MINDY4: variants seen among roughly 807,000 people sequenced by gnomAD.
MINDY4 encodes the protein probable ubiquitin carboxyl-terminal hydrolase MINDY-4.
Under a neutral mutation model 87.0 loss-of-function variants are expected in MINDY4, and 68 were observed. The observed-to-expected ratio is 0.78, with a 90% CI of 0.64 to 0.96. The LOEUF (loss-of-function observed/expected upper bound fraction) is 0.96, where lower values mean the gene tolerates loss of function less well. MINDY4 is among the 40% of genes least tolerant of loss of function. The probability of loss-of-function intolerance (pLI) is 0.00; values close to 1 mark genes in which losing one functional copy is unlikely to be tolerated. For synonymous variants in MINDY4, 379 were observed against 363.2 expected (o/e 1.04, Z -0.50); for missense variants, 919 against 928.2 (o/e 0.99, Z 0.13).
intron 3 of MINDY4, among the ~76,000 whole-genome samples, chr7:30,785,338 T>C (rs1409324999): frequency 6.6e-6 from 1 of 151,768 alleles, no homozygotes; most frequent in Non-Finnish European, 1.5e-5. Context: ...AGCTGAACAG[T>C]GGGGAATGCC....
At chr7:30,783,867 C>A (rs983046745) in intron 3 of MINDY4, among the ~76,000 whole-genome samples, 1 of 152,128 alleles carries the variant, frequency 6.6e-6, no homozygotes, top group Non-Finnish European at 1.5e-5. Context: ...TGGGAAAAAT[C>A]TGGAAAATAA....
rs1441639904 is a variant in MINDY4, at chr7:30,850,571, G to T, written c.1547+16G>T. 16 of 1,586,476 alleles carry T rather than the reference G, an allele frequency of 1.0e-5. No homozygotes were observed. Among genetic ancestry groups the T allele is most frequent in the Admixed American group, 1.8e-5 (1 of 56,500 alleles). The stretch of plus-strand genomic sequence containing the variant: ...TTGTTGCACTGTAAGTGGTTCCGAG[G>T]TCTGTGTTGCCGTGGCTCATCGTCT... On this transcript the variant is annotated intron_variant, in intron 10 of 17. Coordinates refer to ENST00000265299, the MANE Select transcript of MINDY4 (RefSeq NM_032222.3).
intron 4 of MINDY4, among the ~76,000 whole-genome samples, chr7:30,789,811 C>G (rs1009959231): frequency 6.6e-6 from 1 of 152,166 alleles, no homozygotes; most frequent in Non-Finnish European, 1.5e-5. Flanking sequence ...GTTTTTGTCT[C>G]CCCACCCTCC....
intron 5 of MINDY4, among the ~76,000 whole-genome samples, chr7:30,807,799 C>G (rs918177123): frequency 2.6e-5 from 4 of 152,282 alleles, no homozygotes; most frequent in South Asian, 2.1e-4. Context: ...TCACGTACCC[C>G]CTGCTTGCTC....
chr7:30,881,140 C>A (rs189953213), intron 15 of MINDY4, among the ~76,000 whole-genome samples: 76 of 152,298 alleles, frequency 5.0e-4, no homozygotes, highest in African/African-American at 1.8e-3. Context: ...GCCCGTGGCA[C>A]GTACATAGCT....
In MINDY4 at chr7:30,859,292, C is replaced by T. The variant is rs780981862; in HGVS notation, c.1713C>T (p.Thr571=). The change falls in exon 13 of 18, where the codon ACC becomes ACT. Residue 571 remains threonine (T), a synonymous_variant. Coordinates refer to ENST00000265299, the MANE Select transcript of MINDY4 (RefSeq NM_032222.3). ...GCCCCTATGGCTGCATCCTGCTCAC[C>T]CTTTCTGCCATCCTGTCCAGGTCTA... The part of the protein sequence containing the change: ...EVGPYGCILL[T]LSAILSRSTE... 1 of 1,614,028 alleles carries T rather than the reference C, an allele frequency of 6.2e-7. No homozygotes were observed.
chr7:30,781,281 C>T (rs1165447410), intron 2 of MINDY4: 1 of 152,216 alleles, frequency 6.6e-6, no homozygotes, highest in Non-Finnish European at 1.5e-5. Flanking sequence ...GAATTTAAAT[C>T]CTTGCTGTTG....
chr7:30,874,948 G>A (rs1361072845), intron 14 of MINDY4, among the ~76,000 whole-genome samples: 1 of 152,148 alleles, frequency 6.6e-6, no homozygotes, highest in East Asian at 1.9e-4. Flanking sequence ...AACTTCTTTT[G>A]AATCTAAAAT....
intron 7 of MINDY4, 25 bp from the exon 8 acceptor site, chr7:30,839,175 G>A: frequency 6.6e-7 from 1 of 1,507,534 alleles, no homozygotes; most frequent in South Asian, 1.2e-5. Context: ...AAAACAACCA[G>A]TAAAACTCTC....
Position 30,870,298 on chromosome 7 carries a change from C to T in MINDY4, c.1746-1945C>T, listed in dbSNP as rs145451718. Among the ~76,000 whole-genome samples, 35 of 152,332 alleles carry T rather than the reference C, an allele frequency of 2.3e-4. No individual in the cohort carries two copies. In the East Asian group the frequency reaches 6.0e-3, roughly 26 times the overall value. ...GTGGCATAGGGCCAGTGATGCTTAT[C>T]GGCCCCCCCTCAGGACCCTTTTGAG... On this transcript the variant is annotated intron_variant, in intron 13 of 17. Transcript: ENST00000265299.
At chr7:30,795,752 T>A (rs1288382196) in intron 5 of MINDY4, among the ~76,000 whole-genome samples, 1 of 152,078 alleles carries the variant, frequency 6.6e-6, no homozygotes, top group African/African-American at 2.4e-5. Flanking sequence ...TAGGGGAGAA[T>A]CTGTTTCTTT....
intron 5 of MINDY4, among the ~76,000 whole-genome samples, chr7:30,807,402 T>C (rs552266120): frequency 1.2e-4 from 19 of 152,268 alleles, no homozygotes; most frequent in African/African-American, 4.6e-4. Context: ...TCAAGTCACT[T>C]TGTAGCCTTG....
rs1789611021 is a variant in MINDY4 at position 30,857,466 on chromosome 7, T to G, written c.1678-1791T>G. On this transcript the variant is annotated intron_variant, in intron 12 of 17. Coordinates refer to ENST00000265299, the MANE Select transcript of MINDY4 (RefSeq NM_032222.3). ...GAGAGATCCATATCCACCTTGTTTT[T>G]TTTTTTTTTTTTTTTTTTTTTTTTG... Among the ~76,000 whole-genome samples, 2 of 56,314 alleles carry G rather than the reference T, an allele frequency of 3.6e-5. 1 individual carries two copies. The highest frequency in any genetic ancestry group is 5.4e-5 in the Non-Finnish European group (2 of 37,306). The allele number at this position is 56,314 out of a possible 152,430, so 36.9% of individuals were successfully genotyped here. A position where few individuals can be genotyped will look rare whatever the true frequency, so the allele number is the denominator to read the frequency against.
chr7:30,838,461 G>A (rs1411688456), intron 7 of MINDY4, among the ~76,000 whole-genome samples: 1 of 152,178 alleles, frequency 6.6e-6, no homozygotes, highest in Non-Finnish European at 1.5e-5. Context: ...GTTGGCAGGT[G>A]TTTTCTGTAA....
chr7:30,858,158 A>G (rs1789634218), intron 12 of MINDY4: 1 of 152,136 alleles, frequency 6.6e-6, no homozygotes. Context: ...TGAGGCCTTC[A>G]CACTGACTTG....
intron 14 of MINDY4, among the ~76,000 whole-genome samples, 173 bp from the exon 15 acceptor site, chr7:30,875,322 C>G (rs1235272046): frequency 6.6e-6 from 1 of 152,224 alleles, no homozygotes; most frequent in Non-Finnish European, 1.5e-5. Context: ...AAGTTGGTGC[C>G]TTTCCCACAG....
At chr7:30,845,212 A>G (rs1562551335) in intron 9 of MINDY4, among the ~76,000 whole-genome samples, 1 of 152,130 alleles carries the variant, frequency 6.6e-6, no homozygotes, top group Non-Finnish European at 1.5e-5. Context: ...CTGTTCATGA[A>G]CGGCTTCACG....
rs1423561785 is a variant in MINDY4, at chr7:30,829,817, T to C, written c.1132+1080T>C. ...TTAAGATTTTGCAGTGAAAGCTGCT[T>C]GTGTTTGGACACAAGAAAAGCGGTT... On this transcript the variant is annotated intron_variant, in intron 6 of 17. Coordinates refer to ENST00000265299, the MANE Select transcript of MINDY4 (RefSeq NM_032222.3). Among the ~76,000 whole-genome samples the C allele has an allele frequency of 5.1e-4, 77 of 152,192 alleles. 2 individuals are homozygous for C. The highest frequency in any genetic ancestry group is 5.0e-3 in the Admixed American group (77 of 15,286).
At chr7:30,819,571 A>T (rs1788260559) in intron 5 of MINDY4, among the ~76,000 whole-genome samples, 2 of 152,020 alleles carry the variant, frequency 1.3e-5, no homozygotes, top group African/African-American at 4.8e-5. Flanking sequence ...GCTGGGAGAG[A>T]TGTGTTAAAA....
Sources: allele counts gnomAD v4.1 joint callset (sites outside exome capture counted in the v4.1 genomes callset), GRCh38; gene constraint gnomAD v4.1.1; transcripts MANE v1.5; gene names NCBI Gene and HGNC (gene_info 2026-07-23, HGNC 2026-07-21).